The following ZNF292 variants were observed in gnomAD, a reference collection of about 807,000 sequenced individuals.
ZNF292 encodes the protein zinc finger protein 292.
A neutral mutation model predicts 217.9 loss-of-function variants in ZNF292; 26 were observed. That is an observed-to-expected ratio of 0.12 (90% CI 0.09 to 0.17). The LOEUF (loss-of-function observed/expected upper bound fraction) is 0.17, where lower values mean the gene tolerates loss of function less well. Ranked by LOEUF, ZNF292 falls within the 10% of genes least tolerant of loss-of-function variation. ZNF292 has a pLI of 1.00. For missense variants in ZNF292, 2,904 were observed against 3,175.2 expected (o/e 0.91, Z 2.05); for synonymous variants, 1,257 against 1,124.1 (o/e 1.12, Z -2.37).
chr6:87,207,016 A>G (rs561156736), intron 1 of ZNF292, among the ~76,000 whole-genome samples: 1 of 152,318 alleles, frequency 6.6e-6, no homozygotes, highest in East Asian at 1.9e-4. Flanking sequence ...CTGAAATTGG[A>G]TAGAAAGTTG....
At position 87,245,308 on chromosome 6, in the gene ZNF292, T is replaced by C. The variant is rs4706291; in HGVS notation, c.879-195T>C. On this transcript the variant is annotated intron_variant, in intron 6 of 7. Coordinates refer to ENST00000369577, the MANE Select transcript of ZNF292 (RefSeq NM_015021.3). The stretch of plus-strand genomic sequence containing the variant: ...TCTGGGACTGAAAAATATTAATTAA[T>C]AAAATGATAAATCATATTCTGATTT... Among the ~76,000 whole-genome samples the C allele has an allele frequency of 7.0e-3, 1,061 of 152,286 alleles. 25 individuals are homozygous for C. Among genetic ancestry groups the C allele is most frequent in the East Asian group, 0.05 (260 of 5,188 alleles).
At position 87,258,883 on chromosome 6, in the gene ZNF292, A is replaced by G. The variant is rs1775395846; in HGVS notation, c.5254A>G (p.Ile1752Val). 6.2e-7 allele frequency: 1 copy of G among 1,607,544 alleles called. No homozygotes were observed. The highest frequency in any genetic ancestry group is 8.5e-7 in the Non-Finnish European group (1 of 1,176,310). The change falls in exon 8 of 8, where the codon ATA becomes GTA. Residue 1752 changes from isoleucine (I) to valine (V), a missense_variant. Around this residue, in one of 15 missense-constraint regions of ZNF292, gnomAD observed 622 missense variants for 573.1 expected, o/e 1.09. Transcript: ENST00000369577. ...TTTGCAGATTTCTGAAGACAATGTT[A>G]TACAAAACTTTGAAAAGACTCTTGA... is the stretch of plus-strand genomic sequence containing the variant. ...SDLQISEDNV[I>V]QNFEKTLEII...
intron 1 of ZNF292, among the ~76,000 whole-genome samples, chr6:87,187,547 A>G (rs941282718): frequency 6.6e-6 from 1 of 151,846 alleles, no homozygotes; most frequent in Non-Finnish European, 1.5e-5. Context: ...GGTGAAACCC[A>G]TCTCTACTAA....
At chr6:87,195,087 A>G (rs1288257432) in intron 1 of ZNF292, among the ~76,000 whole-genome samples, 1 of 152,228 alleles carries the variant, frequency 6.6e-6, no homozygotes, top group Non-Finnish European at 1.5e-5. Context: ...TTTAAATGAT[A>G]AAATCACAAA....
At chr6:87,171,776 T>C (rs9344687) in intron 1 of ZNF292, among the ~76,000 whole-genome samples, 1 of 152,108 alleles carries the variant, frequency 6.6e-6, no homozygotes, top group Non-Finnish European at 1.5e-5. Flanking sequence ...TGAATCTCAA[T>C]TGTAATGAAA....
rs1370068762 is a variant in ZNF292, at chr6:87,258,708, TAAC to T, written c.5082_5084del (p.Asn1695del). 4 of 1,613,206 alleles carry T rather than the reference TAAC, an allele frequency of 2.5e-6. No homozygotes were observed. Among genetic ancestry groups the T allele is most frequent in the East Asian group, 2.2e-5 (1 of 44,864 alleles). On this transcript the variant is annotated inframe_deletion, in exon 8 of 8. Transcript: ENST00000369577. ...ATCTAACACAGAAATTAAATAATGTTAACAATCAGTTATTTATGACTGATGTAA... is the reference window on the plus strand; with the variant it reads ...ATCTAACACAGAAATTAAATAATGTTAATCAGTTATTTATGACTGATGTAA...
At chr6:87,229,488 G>T (rs912548188) in intron 4 of ZNF292, among the ~76,000 whole-genome samples, 1 of 151,878 alleles carries the variant, frequency 6.6e-6, no homozygotes, top group Non-Finnish European at 1.5e-5. Context: ...GTGCAATGGC[G>T]CAATCTCGGC....
At chr6:87,247,889 AACAT>A (rs1183974881) in intron 7 of ZNF292, among the ~76,000 whole-genome samples, 2 of 152,226 alleles carry the variant, frequency 1.3e-5, no homozygotes, top group African/African-American at 4.8e-5. Context: ...TTTGGAAATA[AACAT>A]ACATAGTTAT....
intron 1 of ZNF292, among the ~76,000 whole-genome samples, chr6:87,186,493 A>G (rs1199393265): frequency 6.6e-6 from 1 of 152,170 alleles, no homozygotes; most frequent in East Asian, 1.9e-4. Context: ...AATATAGGAG[A>G]GCTCAGTTAG....
At chr6:87,167,733 G>T (rs1445419158) in intron 1 of ZNF292, among the ~76,000 whole-genome samples, 2 of 152,222 alleles carry the variant, frequency 1.3e-5, no homozygotes, top group African/African-American at 2.4e-5. Flanking sequence ...GAAATTATGA[G>T]ATTGAGGAGA....
intron 1 of ZNF292, among the ~76,000 whole-genome samples, chr6:87,175,702 G>C (rs1287562718): frequency 6.6e-6 from 1 of 152,204 alleles, no homozygotes; most frequent in Non-Finnish European, 1.5e-5. Flanking sequence ...GACCTGCATA[G>C]CAACCCAGCA....
At chr6:87,198,108 T>A (rs1235487593) in intron 1 of ZNF292, among the ~76,000 whole-genome samples, 1 of 152,212 alleles carries the variant, frequency 6.6e-6, no homozygotes, top group African/African-American at 2.4e-5. Context: ...TAGCTAGAGA[T>A]CTGTGTAACA....
At chr6:87,166,153 T>C (rs1157406361) in intron 1 of ZNF292, among the ~76,000 whole-genome samples, 1 of 152,218 alleles carries the variant, frequency 6.6e-6, no homozygotes, top group Non-Finnish European at 1.5e-5. Context: ...AAAATCTGCA[T>C]TTAAGCATGA....
At chr6:87,171,727 G>A (rs1220395811) in intron 1 of ZNF292, among the ~76,000 whole-genome samples, 1 of 152,074 alleles carries the variant, frequency 6.6e-6, no homozygotes, top group Non-Finnish European at 1.5e-5. Context: ...GCATATGTCA[G>A]CTTGGACTAG....
chr6:87,204,218 G>A (rs1205761278), intron 1 of ZNF292, among the ~76,000 whole-genome samples: 2 of 152,292 alleles, frequency 1.3e-5, no homozygotes, highest in East Asian at 3.9e-4. Flanking sequence ...CATGACAAAT[G>A]CAAACTGTAC....
intron 1 of ZNF292, among the ~76,000 whole-genome samples, chr6:87,195,285 C>T (rs1771922923): frequency 6.6e-6 from 1 of 152,056 alleles, no homozygotes; most frequent in South Asian, 2.1e-4. Flanking sequence ...ATTTAAGGAA[C>T]AGAAAAGTAT....
At chr6:87,161,972 T>A (rs1210081590) in intron 1 of ZNF292, among the ~76,000 whole-genome samples, 1 of 152,216 alleles carries the variant, frequency 6.6e-6, no homozygotes, top group Non-Finnish European at 1.5e-5. Flanking sequence ...TCTAGCTCAT[T>A]CCATAGCTGC....
intron 4 of ZNF292, among the ~76,000 whole-genome samples, chr6:87,232,148 C>G (rs556776241): frequency 6.6e-6 from 1 of 152,070 alleles, no homozygotes; most frequent in African/African-American, 2.4e-5. Context: ...GTCTAGACTT[C>G]AAGAAAAGGA....
chr6:87,178,802 G>A (rs56743579), intron 1 of ZNF292, among the ~76,000 whole-genome samples: 12,415 of 152,168 alleles, frequency 0.082, 856 homozygotes, highest in African/African-American at 0.19. Context: ...CAGTGTGTAG[G>A]TGTGATTGTT....
Sources: gnomAD v4.1 joint callset for allele counts (sites outside exome capture counted in the v4.1 genomes callset) on GRCh38, gnomAD v4.1.1 for gene constraint, gnomAD v4.1.1 regional missense constraint, MANE v1.5 for transcripts, NCBI Gene and HGNC (gene_info 2026-07-23, HGNC 2026-07-21) for gene names.